FILIP1L: variants seen among roughly 807,000 people sequenced by gnomAD.
FILIP1L encodes filamin A-interacting protein 1-like.
In FILIP1L, 55 loss-of-function variants were observed where a neutral mutation model predicts 96.6. The ratio of observed to expected loss-of-function variants is 0.57; its 90% CI spans 0.46 to 0.71. The LOEUF (loss-of-function observed/expected upper bound fraction) is 0.71. Ranked by LOEUF, FILIP1L falls within the 30% of genes least tolerant of loss-of-function variation. The pLI, the probability that FILIP1L is intolerant of heterozygous loss-of-function variation, is 0.00. For missense variants in FILIP1L, 1,304 were observed against 1,321.2 expected, an observed-to-expected ratio of 0.99 and a Z score of 0.20; for synonymous variants, 467 against 473.9, an observed-to-expected ratio of 0.99 and a Z score of 0.19.
chr3:99,868,065 A>T (rs1944608203), intron 4 of FILIP1L, among the ~76,000 whole-genome samples: 1 of 152,210 alleles, frequency 6.6e-6, no homozygotes, highest in Non-Finnish European at 1.5e-5. Context: ...TTTGTCTTAC[A>T]GATTTGTTTT....
At chr3:99,836,349 C>T (rs1244953593) in intron 5 of FILIP1L, among the ~76,000 whole-genome samples, 4 of 151,984 alleles carry the variant, frequency 2.6e-5, no homozygotes, top group Non-Finnish European at 1.5e-5. Context: ...TCAATAGAGG[C>T]GAGACAAAGA....
chr3:99,954,690 G>GTGT (rs1287626371), intron 1 of FILIP1L, among the ~76,000 whole-genome samples: 1 of 152,074 alleles, frequency 6.6e-6, no homozygotes, highest in Non-Finnish European at 1.5e-5. Flanking sequence ...GCCAAGCATG[G>GTGT]TGGTGCCCAC....
chr3:99,865,197 G>A (rs954577988), intron 4 of FILIP1L, among the ~76,000 whole-genome samples: 5 of 152,102 alleles, frequency 3.3e-5, no homozygotes, highest in African/African-American at 1.2e-4. Context: ...TAGGAGGCAG[G>A]TATTACCGTC....
At chr3:100,106,078 G>T (rs1198844054) in intron 1 of FILIP1L, among the ~76,000 whole-genome samples, 6 of 152,122 alleles carry the variant, frequency 3.9e-5, no homozygotes, top group Admixed American at 3.9e-4. Flanking sequence ...CATATGTGCT[G>T]TGTATAGCAT....
At chr3:99,842,265 T>C (rs1352749971) in intron 5 of FILIP1L, among the ~76,000 whole-genome samples, 3 of 152,106 alleles carry the variant, frequency 2.0e-5, no homozygotes, top group African/African-American at 7.2e-5. Context: ...TTCTCACTCA[T>C]AAGGAGGAGC....
intron 1 of FILIP1L, among the ~76,000 whole-genome samples, chr3:99,959,938 T>A: frequency 6.6e-6 from 1 of 152,332 alleles, no homozygotes; most frequent in African/African-American, 2.4e-5. Flanking sequence ...ATTCAATGCA[T>A]TCAGATGGCT....
rs953138430 is a variant in FILIP1L, at chr3:99,849,300, A to G, written c.2376T>C (p.Asp792=). 1 of 1,614,180 alleles carries G rather than the reference A, an allele frequency of 6.2e-7. No homozygotes were observed. ...GAACTTCTTTAGAAAATACTTGAGGATCGGAAATTCTTCTTCCATTGAGAC... is the reference window on the plus strand; with the variant it reads ...GAACTTCTTTAGAAAATACTTGAGGGTCGGAAATTCTTCTTCCATTGAGAC... The part of the protein sequence containing the change: ...RPSLNGRRIS[D]PQVFSKEVQT... Residue 792 remains aspartate (D), a synonymous_variant, in exon 5 of 6, where the codon GAT becomes GAC. Transcript: ENST00000477258.
intron 4 of FILIP1L, chr3:99,898,121 G>A (rs949788435): frequency 2.6e-5 from 4 of 152,052 alleles, no homozygotes; most frequent in Non-Finnish European, 4.4e-5. Context: ...TCAAAAGCAG[G>A]CAGGCTTGGT....
At chr3:100,098,316 C>T (rs780735847) in intron 1 of FILIP1L, among the ~76,000 whole-genome samples, 4 of 152,126 alleles carry the variant, frequency 2.6e-5, no homozygotes, top group Non-Finnish European at 4.4e-5. Context: ...AGTGAAAAAC[C>T]CTATATTTGA....
intron 4 of FILIP1L, among the ~76,000 whole-genome samples, chr3:99,875,612 T>TATAA (rs1331577427): frequency 2.6e-5 from 4 of 152,236 alleles, no homozygotes; most frequent in African/African-American, 9.6e-5. Context: ...AACAGTGTTT[T>TATAA]TCTAGTCGTT....
rs2064997989 is a variant in FILIP1L at position 100,030,092 on chromosome 3, A to G, written c.-11+83961T>C. Among the ~76,000 whole-genome samples the G allele has an allele frequency of 2.0e-5, 3 of 152,200 alleles. No individual in the cohort carries two copies. The South Asian group carries it at 6.2e-4, about 31-fold the overall frequency. Reference sequence around the variant, plus strand: ...GGACCTTAAAACCCTTGTTTTACAGATAAGGAAACGGAGACCCAACGAGCA... The same window carrying G: ...GGACCTTAAAACCCTTGTTTTACAGGTAAGGAAACGGAGACCCAACGAGCA... On this transcript the variant is annotated intron_variant, in intron 1 of 5. Transcript: ENST00000477258.
intron 4 of FILIP1L, among the ~76,000 whole-genome samples, chr3:99,877,933 A>G (rs1430904203): frequency 1.3e-5 from 2 of 152,198 alleles, no homozygotes; most frequent in East Asian, 3.8e-4. Context: ...CTAACATTTA[A>G]CACTACCATT....
At chr3:99,862,673 A>AT (rs1326270269) in intron 4 of FILIP1L, among the ~76,000 whole-genome samples, 2 of 152,212 alleles carry the variant, frequency 1.3e-5, no homozygotes, top group Admixed American at 1.3e-4. Flanking sequence ...TTGCAGAGAA[A>AT]TTGAGTCTGG....
intron 1 of FILIP1L, among the ~76,000 whole-genome samples, chr3:99,949,064 C>G (rs1708100193): frequency 6.6e-6 from 1 of 152,088 alleles, no homozygotes; most frequent in African/African-American, 2.4e-5. Flanking sequence ...TGCCACCTGA[C>G]ATAAATTTTG....
At chr3:100,088,249 C>G (rs1264438824) in intron 1 of FILIP1L, among the ~76,000 whole-genome samples, 3 of 152,058 alleles carry the variant, frequency 2.0e-5, no homozygotes, top group Admixed American at 6.5e-5. Context: ...CTTGGACATC[C>G]CTTACCTAAA....
chr3:99,921,407 T>G (rs1707120485), intron 4 of FILIP1L, among the ~76,000 whole-genome samples: 1 of 152,072 alleles, frequency 6.6e-6, no homozygotes, highest in Admixed American at 6.6e-5. Context: ...GCCTGCAGTC[T>G]CCCAGCAGAA....
At chr3:100,060,024 G>A (rs1217756335) in intron 1 of FILIP1L, among the ~76,000 whole-genome samples, 1 of 151,220 alleles carries the variant, frequency 6.6e-6, no homozygotes, top group Non-Finnish European at 1.5e-5. Context: ...CAGTTTTCCT[G>A]CTGGAGGAGG....
At chr3:99,937,851 G>A (rs1707728648) in intron 1 of FILIP1L, among the ~76,000 whole-genome samples, 2 of 152,152 alleles carry the variant, frequency 1.3e-5, no homozygotes, top group Admixed American at 6.5e-5. Context: ...CACATGCCAG[G>A]CACTGTTTTA....
At chr3:99,959,365 G>C (rs1288634296) in intron 1 of FILIP1L, among the ~76,000 whole-genome samples, 1 of 152,166 alleles carries the variant, frequency 6.6e-6, no homozygotes, top group Non-Finnish European at 1.5e-5. Context: ...GGCCAGGCTG[G>C]TCTCGAACTC....
Sources: allele counts gnomAD v4.1 joint callset (sites outside exome capture counted in the v4.1 genomes callset), GRCh38; gene constraint gnomAD v4.1.1; transcripts MANE v1.5; gene names NCBI Gene and HGNC (gene_info 2026-07-23, HGNC 2026-07-21).